ADAM32: variants seen among roughly 807,000 people sequenced by gnomAD.
ADAM32 encodes the protein disintegrin and metalloproteinase domain-containing protein 32.
In ADAM32, 89 loss-of-function variants were observed where a neutral mutation model predicts 114.9. That is an observed-to-expected ratio of 0.77 (90% CI 0.65 to 0.92). ADAM32 has a LOEUF of 0.92. ADAM32 is among the 40% of genes least tolerant of loss of function. The probability of loss-of-function intolerance (pLI) is 0.00; values close to 1 mark genes in which losing one functional copy is unlikely to be tolerated. For synonymous variants in ADAM32, 285 were observed against 307.5 expected (o/e 0.93, Z 0.77); for missense variants, 870 against 932.8 (o/e 0.93, Z 0.88).
At chr8:39,129,008 T>A (rs898439335) in intron 2 of ADAM32, among the ~76,000 whole-genome samples, 4 of 152,176 alleles carry the variant, frequency 2.6e-5, no homozygotes, top group African/African-American at 9.6e-5. Flanking sequence ...CTCCTTTAAT[T>A]TGATTTTTCA....
At chr8:39,174,586 G>A (rs921988291) in intron 10 of ADAM32, among the ~76,000 whole-genome samples, 2 of 151,520 alleles carry the variant, frequency 1.3e-5, no homozygotes, top group African/African-American at 2.4e-5. Flanking sequence ...GTATACATGT[G>A]CCTTGCTGGT....
intron 1 of ADAM32, among the ~76,000 whole-genome samples, chr8:39,112,107 C>T (rs1413217089): frequency 6.6e-6 from 1 of 152,038 alleles, no homozygotes; most frequent in Non-Finnish European, 1.5e-5. Flanking sequence ...TACCATCTTT[C>T]CTGATTGTCA....
chr8:39,119,648 G>T (rs1365043168), intron 2 of ADAM32, among the ~76,000 whole-genome samples: 1 of 151,654 alleles, frequency 6.6e-6, no homozygotes, highest in East Asian at 1.9e-4. Flanking sequence ...TTTCTGGCTT[G>T]CTTTTTCATT....
chr8:39,129,003 T>G (rs1034707846), intron 2 of ADAM32, among the ~76,000 whole-genome samples: 89 of 152,176 alleles, frequency 5.8e-4, no homozygotes, highest in African/African-American at 2.1e-3. Flanking sequence ...AAATGCTCCT[T>G]TAATTTGATT....
At chr8:39,216,796 TACTG>T (rs145994042) in intron 12 of ADAM32, among the ~76,000 whole-genome samples, 4,179 of 152,012 alleles carry the variant, frequency 0.027, 204 homozygotes, top group African/African-American at 0.095. Flanking sequence ...ATATATATCG[TACTG>T]ACTATGTCTT....
At chr8:39,283,663 G>T in intron 24 of ADAM32, 39 bp downstream of exon 24, 1 of 1,503,904 alleles carries the variant, frequency 6.6e-7, no homozygotes, top group Non-Finnish European at 9.1e-7. Context: ...ATAAATACAT[G>T]TATAAAATTA....
chr8:39,120,385 G>A (rs576258191), intron 2 of ADAM32, among the ~76,000 whole-genome samples: 1 of 152,266 alleles, frequency 6.6e-6, no homozygotes, highest in East Asian at 1.9e-4. Context: ...AGAAAGAAAA[G>A]ACTTATAGAG....
Position 39,234,041 on chromosome 8 carries a change from C to A in ADAM32, c.1777C>A (p.Pro593Thr), listed in dbSNP as rs1809936099. 3.3e-6 allele frequency: 5 copies of A among 1,502,248 alleles called. No individual in the cohort carries two copies. The South Asian group carries it at 5.6e-5, about 17-fold the overall frequency. 93.1% of individuals were successfully genotyped at this position (1,502,248 alleles called of 1,614,324 possible). A position where few individuals can be genotyped will look rare whatever the true frequency, so the allele number is the denominator to read the frequency against. Residue 593 changes from proline (P) to threonine (T), a missense_variant, in exon 16 of 25, where the codon CCA becomes ACA. Physicochemically the swap from Pro to Thr is conservative, Grantham distance 38 (BLOSUM62 -1). Coordinates refer to ENST00000379907, the MANE Select transcript of ADAM32 (RefSeq NM_145004.7). ...CAAATTGCCTCGAACAGTTCCAGAT[C>A]CACTGGCTGTCAAAAATGGCTCTCA... ...DYKLPRTVPD[P>T]LAVKNGSQCD... is the part of the protein sequence containing the mutation.
intron 4 of ADAM32, among the ~76,000 whole-genome samples, chr8:39,148,122 CAT>C (rs1393251351): frequency 6.6e-6 from 1 of 152,114 alleles, no homozygotes; most frequent in Non-Finnish European, 1.5e-5. Flanking sequence ...CCTGTTAAGA[CAT>C]AGTCAGATTA....
At chr8:39,256,281 T>A (rs978492385) in intron 18 of ADAM32, among the ~76,000 whole-genome samples, 2 of 152,052 alleles carry the variant, frequency 1.3e-5, no homozygotes, top group African/African-American at 4.8e-5. Context: ...TTTCAACCTC[T>A]CTTCCTCAGC....
At chr8:39,181,957 G>A (rs1373651033) in intron 10 of ADAM32, among the ~76,000 whole-genome samples, 1 of 152,184 alleles carries the variant, frequency 6.6e-6, no homozygotes, top group Non-Finnish European at 1.5e-5. Context: ...AATTGTGGGA[G>A]GAGATAAATT....
At chr8:39,165,908 T>C (rs1235068308) in intron 9 of ADAM32, 1 of 152,194 alleles carries the variant, frequency 6.6e-6, no homozygotes, top group African/African-American at 2.4e-5. Flanking sequence ...TTTTTTCTGA[T>C]GACTGGTGGA....
At chr8:39,276,904 T>A (rs1813109597) in intron 22 of ADAM32, among the ~76,000 whole-genome samples, 1 of 152,196 alleles carries the variant, frequency 6.6e-6, no homozygotes, top group African/African-American at 2.4e-5. Flanking sequence ...TTGCTCAGCA[T>A]TGTATAGCTA....
intron 11 of ADAM32, among the ~76,000 whole-genome samples, chr8:39,187,481 C>T (rs1216351801): frequency 1.3e-5 from 2 of 152,134 alleles, no homozygotes; most frequent in Admixed American, 1.3e-4. Context: ...CCATGTTAGC[C>T]AGGATGGTCT....
At chr8:39,261,931 AT>A (rs1211515953) in intron 19 of ADAM32, among the ~76,000 whole-genome samples, 3 of 152,034 alleles carry the variant, frequency 2.0e-5, no homozygotes, top group African/African-American at 4.8e-5. Context: ...AGTTGAAATC[AT>A]TGTATATTCT....
chr8:39,177,286 C>T (rs545453410), intron 10 of ADAM32, among the ~76,000 whole-genome samples: 2 of 152,270 alleles, frequency 1.3e-5, no homozygotes, highest in African/African-American at 4.8e-5. Context: ...GTCTTGAACT[C>T]TTGACCTCAA....
rs1803711456 is a variant in ADAM32, at chr8:39,149,796, A to G, written c.282A>G (p.Gln94=). The change falls in exon 5 of 25, where the codon CAA becomes CAG. Residue 94 remains glutamine, a synonymous_variant. Coordinates refer to ENST00000379907, the MANE Select transcript of ADAM32 (RefSeq NM_145004.7). The stretch of plus-strand genomic sequence containing the variant: ...TTACTTTTTTTCTTTCCTAGACTCA[A>G]TGCTACTATCAAGGAAATATTGAAG... The part of the protein sequence containing the change: ...MNTYSSDIQT[Q]CYYQGNIEGY... The G allele has an allele frequency of 2.5e-6, 4 of 1,610,576 alleles. No individual in the cohort carries two copies. Among genetic ancestry groups the G allele is most frequent in the Non-Finnish European group, 3.4e-6 (4 of 1,177,638 alleles).
chr8:39,243,890 G>A (rs1047967668), intron 16 of ADAM32, among the ~76,000 whole-genome samples: 1 of 151,964 alleles, frequency 6.6e-6, no homozygotes, highest in African/African-American at 2.4e-5. Flanking sequence ...AAACCCTAAA[G>A]ACTCATCAAA....
At chr8:39,110,099 T>C (rs893220592) in intron 1 of ADAM32, among the ~76,000 whole-genome samples, 10 of 152,194 alleles carry the variant, frequency 6.6e-5, no homozygotes, top group Non-Finnish European at 1.0e-4. Context: ...AGATGGTGTC[T>C]TACTCTGTCG....
Sources: allele counts gnomAD v4.1 joint callset (sites outside exome capture counted in the v4.1 genomes callset), GRCh38; gene constraint gnomAD v4.1.1; transcripts MANE v1.5; gene names NCBI Gene and HGNC (gene_info 2026-07-23, HGNC 2026-07-21).